The following DPH6 variants were observed in gnomAD, a reference collection of about 807,000 sequenced individuals.
The protein encoded by DPH6 is diphthamine biosynthesis 6, also known as diphthine--ammonia ligase.
In DPH6, 33 loss-of-function variants were observed where a neutral mutation model predicts 38.2. The observed-to-expected ratio is 0.86, with a 90% CI of 0.65 to 1.15. The LOEUF (loss-of-function observed/expected upper bound fraction) is 1.15, where lower values mean the gene tolerates loss of function less well. Among genes scored for constraint, DPH6 ranks in the 50% most tolerant of loss-of-function variants. DPH6 has a pLI of 0.00. For missense variants in DPH6, 325 were observed against 320.0 expected (o/e 1.02, Z -0.12); for synonymous variants, 108 against 103.0 (o/e 1.05, Z -0.30).
chr15:35,310,766 T>C (rs1306206670), intron 3 of DPH6, among the ~76,000 whole-genome samples: 3 of 151,982 alleles, frequency 2.0e-5, no homozygotes, highest in Non-Finnish European at 4.4e-5. Flanking sequence ...AGATCATAAA[T>C]TGGCCGAGTG....
At chr15:35,460,736 C>T (rs1484180603) in intron 3 of DPH6, among the ~76,000 whole-genome samples, 1 of 152,134 alleles carries the variant, frequency 6.6e-6, no homozygotes, top group East Asian at 1.9e-4. Context: ...AAGCAGGCAT[C>T]ACAGGCCCAT....
At chr15:35,314,132 A>C (rs1434348847) in intron 3 of DPH6, among the ~76,000 whole-genome samples, 1 of 152,052 alleles carries the variant, frequency 6.6e-6, no homozygotes, top group Non-Finnish European at 1.5e-5. Context: ...AAAAATGGTC[A>C]AGAGCTCTGA....
At chr15:35,180,611 C>A in the DPH6 span, among the ~76,000 whole-genome samples, 2 of 152,146 alleles carry the variant, frequency 1.3e-5, no homozygotes, top group Non-Finnish European at 2.9e-5. Context: ...CAAGTGTGTG[C>A]CACCATGCCC....
chr15:35,255,837 C>T (rs1842555), intron 3 of DPH6, among the ~76,000 whole-genome samples: 97,688 of 151,446 alleles, frequency 0.65, 32,344 homozygotes, highest in Non-Finnish European at 0.73. Context: ...TCATTCTATC[C>T]ATTAGGATTA....
chr15:35,416,192 G>A (rs1214073901), intron 5 of DPH6, among the ~76,000 whole-genome samples: 3 of 152,082 alleles, frequency 2.0e-5, no homozygotes, highest in Admixed American at 6.6e-5. Context: ...ACAAATTTGC[G>A]TTGGGCCGCA....
intron 3 of DPH6, among the ~76,000 whole-genome samples, chr15:35,513,315 A>T (rs1249075302): frequency 6.6e-6 from 1 of 152,040 alleles, no homozygotes; most frequent in African/African-American, 2.4e-5. Flanking sequence ...ACTATAAAAA[A>T]CAAGGCAGGA....
downstream of DPH6, among the ~76,000 whole-genome samples, chr15:35,368,435 T>C (rs1020882622): frequency 2.6e-4 from 40 of 151,818 alleles, no homozygotes; most frequent in Admixed American, 1.7e-3. Context: ...ACTTAGAAAA[T>C]AATGAAGTAC....
At chr15:35,520,595 C>T in intron 3 of DPH6, 1 of 984,336 alleles carries the variant, frequency 1.0e-6, no homozygotes, top group Non-Finnish European at 1.2e-6. Context: ...TATAATACTA[C>T]CATTTAATTT....
chr15:35,487,223 G>A (rs1345907267), intron 3 of DPH6, among the ~76,000 whole-genome samples: 2 of 152,222 alleles, frequency 1.3e-5, no homozygotes, highest in East Asian at 1.9e-4. Flanking sequence ...TTCGAGAACA[G>A]TGGCCCTCTT....
downstream of DPH6, among the ~76,000 whole-genome samples, chr15:35,214,170 T>A (rs1595431467): frequency 6.6e-6 from 1 of 151,608 alleles, no homozygotes; most frequent in Non-Finnish European, 1.5e-5. Flanking sequence ...TTCTTCTGGG[T>A]GTCCCAAGTA....
intron 3 of DPH6, chr15:35,298,399 C>A: frequency 1.4e-6 from 1 of 730,114 alleles, no homozygotes; most frequent in East Asian, 2.9e-5. Context: ...ATCCGTACTG[C>A]TTCATCATCA....
At chr15:35,540,215 C>T (rs953687190) in intron 2 of DPH6, among the ~76,000 whole-genome samples, 2 of 152,060 alleles carry the variant, frequency 1.3e-5, no homozygotes, top group Non-Finnish European at 2.9e-5. Flanking sequence ...TACAGAGCAA[C>T]AATAGTGTGA....
At chr15:35,190,855 G>T in the DPH6 span, among the ~76,000 whole-genome samples, 1 of 152,230 alleles carries the variant, frequency 6.6e-6, no homozygotes, top group Non-Finnish European at 1.5e-5. Context: ...AGTTAGGTCA[G>T]ATCTCTTTCA....
At chr15:35,447,091 G>A (rs910220180) in intron 5 of DPH6, among the ~76,000 whole-genome samples, 3 of 151,874 alleles carry the variant, frequency 2.0e-5, no homozygotes, top group South Asian at 2.1e-4. Context: ...CAATGGTCTC[G>A]ATCTCCTGAC....
At chr15:35,511,118 C>G (rs1467319114) in intron 3 of DPH6, among the ~76,000 whole-genome samples, 3 of 152,142 alleles carry the variant, frequency 2.0e-5, no homozygotes, top group Non-Finnish European at 4.4e-5. Flanking sequence ...CCAACTATAT[C>G]AGAACCTGAA....
At chr15:35,340,908 A>G (rs148997024) in intron 3 of DPH6, among the ~76,000 whole-genome samples, 221 of 152,134 alleles carry the variant, frequency 1.5e-3, no homozygotes, top group South Asian at 5.2e-3. Flanking sequence ...CATTTCCTGA[A>G]TTTGAATGTT....
At chr15:35,202,151 A>C in the DPH6 span, among the ~76,000 whole-genome samples, 1 of 151,878 alleles carries the variant, frequency 6.6e-6, no homozygotes, top group African/African-American at 2.4e-5. Flanking sequence ...AAAATATAGA[A>C]TTCTGTGCAT....
chr15:35,384,224 T>C (rs975469867), intron 6 of DPH6, among the ~76,000 whole-genome samples: 2 of 152,206 alleles, frequency 1.3e-5, no homozygotes, highest in Admixed American at 6.5e-5. Flanking sequence ...ATCAGTATCA[T>C]TGTAATGAAA....
At chr15:35,382,216 A>C (rs1304877889) in intron 6 of DPH6, among the ~76,000 whole-genome samples, 1 of 151,888 alleles carries the variant, frequency 6.6e-6, no homozygotes, top group Non-Finnish European at 1.5e-5. Context: ...CGGGCGGATC[A>C]CAAGGTCAGG....
Sources: allele counts gnomAD v4.1 joint callset (sites outside exome capture counted in the v4.1 genomes callset), GRCh38; gene constraint gnomAD v4.1.1; transcripts MANE v1.5; gene names NCBI Gene and HGNC (gene_info 2026-07-23, HGNC 2026-07-21).